The following UNC13C variants were observed in gnomAD, a reference collection of about 807,000 sequenced individuals.
UNC13C encodes the protein unc-13 homolog C.
In UNC13C, 174 loss-of-function variants were observed where a neutral mutation model predicts 245.4. The observed-to-expected ratio is 0.71, with a 90% CI of 0.63 to 0.80. The LOEUF (loss-of-function observed/expected upper bound fraction) is 0.80, where lower values mean the gene tolerates loss of function less well. Ranked by LOEUF, UNC13C falls within the 30% of genes least tolerant of loss-of-function variation. The pLI is 0.00. For missense variants in UNC13C, 2,829 were observed against 2,602.9 expected, an observed-to-expected ratio of 1.09 and a Z score of -1.89; for synonymous variants, 992 against 895.1, an observed-to-expected ratio of 1.11 and a Z score of -1.93.
the UNC13C span, among the ~76,000 whole-genome samples, chr15:53,955,128 T>C: frequency 6.6e-6 from 1 of 152,160 alleles, no homozygotes; most frequent in African/African-American, 2.4e-5. Flanking sequence ...CAGGTGAACA[T>C]ACATTTTGAT....
At chr15:53,846,319 C>T in the UNC13C span, among the ~76,000 whole-genome samples, 11 of 152,092 alleles carry the variant, frequency 7.2e-5, no homozygotes, top group Admixed American at 1.3e-4. Flanking sequence ...TGAATCTATG[C>T]GATTGGTAAT....
intron 30 of UNC13C, among the ~76,000 whole-genome samples, chr15:54,618,171 C>G (rs1013277766): frequency 1.3e-5 from 2 of 152,074 alleles, no homozygotes; most frequent in South Asian, 4.1e-4. Context: ...CGTGTTATAA[C>G]GACAGTAAGC....
chr15:53,996,882 T>C (rs1487947366), intron 1 of UNC13C, among the ~76,000 whole-genome samples: 4 of 150,226 alleles, frequency 2.7e-5, no homozygotes, highest in Non-Finnish European at 5.9e-5. Flanking sequence ...TCAGAAAAAA[T>C]CTTATACACA....
chr15:54,123,469 C>G (rs1485018545), intron 2 of UNC13C, among the ~76,000 whole-genome samples: 2 of 151,098 alleles, frequency 1.3e-5, no homozygotes, highest in African/African-American at 4.9e-5. Flanking sequence ...ATTTCATTTT[C>G]TTAAAGATAT....
At chr15:54,404,826 G>A (rs780284177) in intron 18 of UNC13C, among the ~76,000 whole-genome samples, 1 of 152,094 alleles carries the variant, frequency 6.6e-6, no homozygotes, top group Admixed American at 6.5e-5. Flanking sequence ...AATTGTTAGT[G>A]TATAGCTCAG....
intron 4 of UNC13C, among the ~76,000 whole-genome samples, chr15:54,173,760 G>A (rs1452189140): frequency 3.9e-5 from 6 of 152,088 alleles, no homozygotes; most frequent in Admixed American, 3.9e-4. Context: ...AAATAGAAGT[G>A]ATGACAATGG....
intron 20 of UNC13C, among the ~76,000 whole-genome samples, chr15:54,496,595 G>GTATATA (rs534838089): frequency 4.6e-5 from 7 of 151,138 alleles, no homozygotes; most frequent in African/African-American, 1.7e-4. Context: ...GTGTGTGTGT[G>GTATATA]TATATATATA....
At chr15:54,468,262 T>A (rs1892285087) in intron 19 of UNC13C, among the ~76,000 whole-genome samples, 1 of 151,872 alleles carries the variant, frequency 6.6e-6, no homozygotes, top group Admixed American at 6.6e-5. Flanking sequence ...TTGTGAGAAA[T>A]GTCTACTTAG....
downstream of UNC13C, chr15:54,631,799 T>G (rs576075191): frequency 3.3e-5 from 5 of 152,326 alleles, no homozygotes; most frequent in African/African-American, 1.2e-4. Context: ...TTATAAACAT[T>G]CACATACAGG....
At chr15:54,328,217 A>G (rs1159006289) in intron 14 of UNC13C, among the ~76,000 whole-genome samples, 1 of 152,090 alleles carries the variant, frequency 6.6e-6, no homozygotes, top group African/African-American at 2.4e-5. Context: ...ATAGTATGAT[A>G]TTTCTGTTGG....
chr15:54,625,183 G>C (rs1036713855), intron 32 of UNC13C, among the ~76,000 whole-genome samples: 2 of 152,106 alleles, frequency 1.3e-5, no homozygotes, highest in Admixed American at 1.3e-4. Context: ...CACAGGCAAA[G>C]AGCCAGGGAA....
chr15:54,579,716 G>A (rs894647897), intron 30 of UNC13C, among the ~76,000 whole-genome samples: 9 of 152,082 alleles, frequency 5.9e-5, no homozygotes, highest in Admixed American at 2.6e-4. Flanking sequence ...CCGAGATCAC[G>A]CCACTGCACT....
At position 54,338,442 on chromosome 15, in the gene UNC13C, T is replaced by G. The variant is rs977903954; in HGVS notation, c.4666T>G (p.Tyr1556Asp). The change falls in exon 17 of 33, where the codon TAT becomes GAT. Residue 1556 changes from tyrosine to aspartate, a missense_variant. Coordinates refer to ENST00000260323, the MANE Select transcript of UNC13C (RefSeq NM_001080534.3). ...GGCTTGCCTGGATTCTACATACAAGTATATTTTTGACAACTGCCATGAACT... is the reference window on the plus strand; with the variant it reads ...GGCTTGCCTGGATTCTACATACAAGGATATTTTTGACAACTGCCATGAACT... ...VRACLDSTYK[Y>D]IFDNCHELYS... 5.6e-6 allele frequency: 9 copies of G among 1,613,704 alleles called. No individual in the cohort carries two copies. The African/African-American group carries it at 1.1e-4, about 19-fold the overall frequency.
chr15:53,929,255 C>A, the UNC13C span, among the ~76,000 whole-genome samples: 2 of 152,126 alleles, frequency 1.3e-5, no homozygotes, highest in African/African-American at 4.8e-5. Flanking sequence ...GAAAGTCCCA[C>A]CCCCATGATT....
chr15:53,906,985 C>G, the UNC13C span, among the ~76,000 whole-genome samples: 2 of 152,040 alleles, frequency 1.3e-5, no homozygotes, highest in Non-Finnish European at 2.9e-5. Context: ...ATCCAACCAC[C>G]CCCCTCTCTC....
chr15:54,029,138 G>C (rs1896248793), intron 2 of UNC13C, among the ~76,000 whole-genome samples: 1 of 152,156 alleles, frequency 6.6e-6, no homozygotes, highest in Admixed American at 6.5e-5. Context: ...TTGAATTCTT[G>C]AAAGACTCTG....
intron 2 of UNC13C, chr15:54,049,005 A>C (rs1302806087): frequency 2.6e-6 from 1 of 378,956 alleles, no homozygotes; most frequent in Non-Finnish European, 5.2e-6. Flanking sequence ...TCCAAGTTTG[A>C]GAATTTTTTC....
rs548473302 is a variant in UNC13C at position 54,613,845 on chromosome 15, T to G, written c.6107-8482T>G. ...ATCTAGTACGTACTAGGAACTGTTT[T>G]AGGTAGTAATTAAGCATTTGTGACC... On this transcript the variant is annotated intron_variant, in intron 30 of 32. Transcript: ENST00000260323. Among the ~76,000 whole-genome samples, 4 of 152,124 alleles carry G rather than the reference T, an allele frequency of 2.6e-5. No individual in the cohort carries two copies. The South Asian group carries it at 6.2e-4, about 24-fold the overall frequency.
chr15:54,252,396 A>G (rs556116084), intron 8 of UNC13C, among the ~76,000 whole-genome samples: 67 of 152,320 alleles, frequency 4.4e-4, no homozygotes, highest in Middle Eastern at 6.8e-3. Flanking sequence ...TTATTCATTA[A>G]AATGCACACA....
Sources: gnomAD v4.1 joint callset for allele counts (sites outside exome capture counted in the v4.1 genomes callset) on GRCh38, gnomAD v4.1.1 for gene constraint, MANE v1.5 for transcripts, NCBI Gene and HGNC (gene_info 2026-07-23, HGNC 2026-07-21) for gene names.